Variants in AGAP6 observed in about 807,000 individuals in gnomAD.
AGAP6 encodes the protein ArfGAP with GTPase domain, ankyrin repeat and PH domain 6, also known as arf-GAP with GTPase, ANK repeat and PH domain-containing protein 6.
Under a neutral mutation model 63.9 loss-of-function variants are expected in AGAP6, and 29 were observed. That is an observed-to-expected ratio of 0.45 (90% CI 0.34 to 0.62). The LOEUF is 0.62. AGAP6 is among the 20% of genes least tolerant of loss of function. The pLI is 0.01. For missense variants in AGAP6, 493 were observed against 884.9 expected (o/e 0.56, Z 5.62); for synonymous variants, 199 against 332.9 (o/e 0.60, Z 4.38).
intron 5 of AGAP6, among the ~76,000 whole-genome samples, chr10:50,003,396 A>G (rs1309013090): frequency 1.3e-5 from 2 of 152,114 alleles, no homozygotes; most frequent in Admixed American, 1.3e-4. Flanking sequence ...TTTTCAAAAT[A>G]CAAGTCTGCA....
chr10:49,988,844 G>A lies in AGAP6; in HGVS notation c.129G>A (p.Ala43=), dbSNP rs560577623. 5.4e-5 allele frequency: 87 copies of A among 1,598,096 alleles called. 2 individuals are homozygous for A. Among genetic ancestry groups the A allele is most frequent in the Admixed American group, 6.7e-5 (4 of 59,952 alleles). ...EAGARDRMAG[A]PMAAAVQPAE... ...GAGCTAGGGACAGGATGGCAGGAGC[G>A]CCCATGGCTGCTGCTGTACAGCCTG... The change falls in exon 1 of 8, where the codon GCG becomes GCA. Residue 43 remains alanine (A), a synonymous_variant. Transcript: ENST00000412531.
At chr10:49,995,941 T>G (rs1554861854) in intron 4 of AGAP6, among the ~76,000 whole-genome samples, 1 of 152,118 alleles carries the variant, frequency 6.6e-6, no homozygotes, top group Non-Finnish European at 1.5e-5. Flanking sequence ...TTTTAGAATC[T>G]CTCTCTCTAA....
intron 6 of AGAP6, among the ~76,000 whole-genome samples, chr10:50,005,397 G>C (rs1438270255): frequency 6.6e-6 from 1 of 151,896 alleles, no homozygotes; most frequent in Non-Finnish European, 1.5e-5. Flanking sequence ...GGATCACAAG[G>C]TCAGGAGATC....
intron 5 of AGAP6, 90 bp downstream of exon 5, chr10:50,002,186 A>C: frequency 7.8e-7 from 1 of 1,287,276 alleles, no homozygotes; most frequent in Non-Finnish European, 1.1e-6. Flanking sequence ...TCAGTTTAAG[A>C]AATTGGAGTC....
At chr10:50,001,868 T>A in intron 4 of AGAP6, 128 bp from the exon 5 acceptor site, 2 of 867,074 alleles carry the variant, frequency 2.3e-6, no homozygotes, top group Middle Eastern at 3.5e-4. Context: ...TTCTATAGAG[T>A]GCACATGATA....
At chr10:49,993,276 G>A (rs1554861383) in intron 3 of AGAP6, among the ~76,000 whole-genome samples, 1 of 151,946 alleles carries the variant, frequency 6.6e-6, no homozygotes, top group Non-Finnish European at 1.5e-5. Context: ...CAGAGGCATG[G>A]GCTTCTCACA....
rs782121677 is a variant in AGAP6, at chr10:49,989,298, A to G, written c.224-10A>G. The G allele has an allele frequency of 8.1e-6, 13 of 1,597,180 alleles. No individual in the cohort carries two copies. The highest frequency in any genetic ancestry group is 4.5e-5 in the East Asian group (2 of 44,880). ...TACATCCTTTTTCTTTTCTCCCTCT[A>G]TACATATAGCTTTGGAGTTTAACCT... On this transcript the variant is annotated splice_polypyrimidine_tract_variant and intron_variant, in intron 1 of 7. Coordinates refer to ENST00000412531, the MANE Select transcript of AGAP6 (RefSeq NM_001077665.3).
intron 5 of AGAP6, among the ~76,000 whole-genome samples, chr10:50,004,006 C>T (rs1841807857): frequency 6.6e-6 from 1 of 152,178 alleles, no homozygotes; most frequent in African/African-American, 2.4e-5. Flanking sequence ...TTTGCCTTCC[C>T]TCAGTTGTTT....
rs201001966 is a variant in AGAP6 at position 49,989,305 on chromosome 10, T to A, written c.224-3T>A. The A allele has an allele frequency of 2.8e-4, 448 of 1,597,470 alleles. 2 individuals carry two copies. In the East Asian group the frequency reaches 8.4e-3, roughly 30 times the overall value. On this transcript the variant is annotated splice_polypyrimidine_tract_variant and splice_region_variant and intron_variant, in intron 1 of 7. Coordinates refer to ENST00000412531, the MANE Select transcript of AGAP6 (RefSeq NM_001077665.3). ...TTTTTCTTTTCTCCCTCTATACATATAGCTTTGGAGTTTAACCTTTCTGCC... is the reference window on the plus strand; with the variant it reads ...TTTTTCTTTTCTCCCTCTATACATAAAGCTTTGGAGTTTAACCTTTCTGCC...
chr10:49,999,946 A>G (rs1420502007), intron 4 of AGAP6, among the ~76,000 whole-genome samples: 1 of 141,904 alleles, frequency 7.0e-6, no homozygotes, highest in East Asian at 2.3e-4. Flanking sequence ...CTACAAGGAA[A>G]ACAACTTTAG....
At position 49,988,913 on chromosome 10, in the gene AGAP6, C is replaced by G. The variant is rs531956434; in HGVS notation, c.198C>G (p.His66Gln). 654 of 1,595,724 alleles carry G rather than the reference C, an allele frequency of 4.1e-4. No individual in the cohort carries two copies. The highest frequency in any genetic ancestry group is 9.0e-4 in the Middle Eastern group (5 of 5,578). ...TTGGTGAGGACCTCCACATGCACCA[C>G]GTTCGTGACCGGGAGATGCCTGAAG... is the stretch of plus-strand genomic sequence containing the variant. The part of the protein sequence containing the change: ...VEVGEDLHMH[H>Q]VRDREMPEAL... The change falls in exon 1 of 8, where the codon CAC (histidine) becomes CAG (glutamine). Residue 66 changes from histidine (H) to glutamine (Q), a missense_variant. By Grantham distance (24) the His-to-Gln change is conservative. Around this residue, in one of 7 missense-constraint regions of AGAP6, gnomAD observed 342 missense variants for 533.4 expected, o/e 0.64. Transcript: ENST00000412531.
intron 5 of AGAP6, among the ~76,000 whole-genome samples, chr10:50,004,112 G>A (rs1457180955): frequency 6.6e-6 from 1 of 151,030 alleles, no homozygotes; most frequent in South Asian, 2.1e-4. Context: ...TTGAACCCGG[G>A]AGGCAGAGGT....
chr10:49,990,750 T>G (rs547602927), intron 2 of AGAP6, among the ~76,000 whole-genome samples: 1 of 152,312 alleles, frequency 6.6e-6, no homozygotes, highest in East Asian at 1.9e-4. Context: ...TATTTAAACT[T>G]TGGTCGGGCT....
intron 5 of AGAP6, 63 bp from the exon 6 acceptor site, chr10:50,004,622 A>G: frequency 1.2e-6 from 1 of 868,076 alleles, no homozygotes; most frequent in Non-Finnish European, 1.7e-6. Flanking sequence ...CCCCTTTTAA[A>G]AAATGTCTTC....
At chr10:49,996,037 T>G (rs1270060541) in intron 4 of AGAP6, among the ~76,000 whole-genome samples, 4 of 151,892 alleles carry the variant, frequency 2.6e-5, no homozygotes, top group Non-Finnish European at 4.4e-5. Context: ...TCTTGAGAAT[T>G]TTTTTTTATT....
chr10:49,991,847 A>T, intron 3 of AGAP6, 103 bp downstream of exon 3: 1 of 1,530,816 alleles, frequency 6.5e-7, no homozygotes, highest in Non-Finnish European at 8.8e-7. Flanking sequence ...TAAATTTTTC[A>T]CCTTTTCACA....
chr10:49,989,612 T>C (rs1841190372), intron 2 of AGAP6, among the ~76,000 whole-genome samples: 2 of 151,928 alleles, frequency 1.3e-5, no homozygotes. Context: ...TTCAAATATT[T>C]GGGGATTTCT....
intron 6 of AGAP6, among the ~76,000 whole-genome samples, chr10:50,004,942 T>C (rs1191034687): frequency 1.3e-5 from 2 of 152,262 alleles, no homozygotes; most frequent in African/African-American, 2.4e-5. Flanking sequence ...TGATATTTAG[T>C]GTGGTAGAAT....
intron 4 of AGAP6, among the ~76,000 whole-genome samples, chr10:49,995,422 CTA>C (rs1554861745): frequency 2.0e-5 from 3 of 152,130 alleles, no homozygotes; most frequent in African/African-American, 7.2e-5. Context: ...AATTTTCTGA[CTA>C]TATTCATTTG....
Sources: allele counts gnomAD v4.1 joint callset (sites outside exome capture counted in the v4.1 genomes callset), GRCh38; gene constraint gnomAD v4.1.1; regional missense constraint gnomAD v4.1.1; transcripts MANE v1.5; gene names NCBI Gene and HGNC (gene_info 2026-07-23, HGNC 2026-07-21).